Variants in ARSF observed in about 807,000 individuals in gnomAD.
ARSF encodes the protein arylsulfatase F.
ARSF carries 33 observed loss-of-function variants against 35.4 expected under a neutral mutation model. The observed-to-expected ratio is 0.93, with a 90% confidence interval of 0.71 to 1.25. The LOEUF is 1.25. Among genes scored for constraint, ARSF ranks in the 50% most tolerant of loss-of-function variants. ARSF has a pLI of 0.00. For missense variants in ARSF, 501 were observed against 480.2 expected (o/e 1.04, Z -0.40); for synonymous variants, 222 against 193.1 (o/e 1.15, Z -1.24).
intron 7 of ARSF, among the ~76,000 whole-genome samples, chrX:3,091,193 G>T: frequency 8.9e-6 from 1 of 112,147 alleles, no homozygotes. Flanking sequence ...GGGATGACAG[G>T]CATGAGTCAC....
chrX:3,055,326 G>A (rs1214421202), intron 1 of ARSF, among the ~76,000 whole-genome samples: 2 of 70,419 alleles, frequency 2.8e-5, no homozygotes, highest in African/African-American at 6.2e-5. Context: ...TGGGCAACAA[G>A]AGCAAAACTC....
intron 8 of ARSF, 119 bp from the exon 9 acceptor site, chrX:3,103,643 T>C (rs1284525995): frequency 1.1e-5 from 9 of 846,659 alleles, no homozygotes; most frequent in East Asian, 3.3e-5. Flanking sequence ...GGACTCTACA[T>C]AGAGTAGACA....
chrX:3,046,177 C>T (rs1228210351), intron 1 of ARSF, among the ~76,000 whole-genome samples: 6 of 111,784 alleles, frequency 5.4e-5, no homozygotes, highest in African/African-American at 2.0e-4. Flanking sequence ...TGAGCCACTG[C>T]GCCTGGCCTC....
intron 1 of ARSF, among the ~76,000 whole-genome samples, chrX:3,055,012 G>A (rs960754504): frequency 3.5e-4 from 38 of 107,375 alleles, no homozygotes; most frequent in Non-Finnish European, 5.4e-4. Flanking sequence ...TGGGATTACA[G>A]GCATGAGCCA....
chrX:3,095,971 A>C (rs1026208874), intron 7 of ARSF, among the ~76,000 whole-genome samples: 4 of 108,283 alleles, frequency 3.7e-5, no homozygotes, highest in Non-Finnish European at 7.6e-5. Context: ...AACTTATAAA[A>C]CATTTTTATT....
At chrX:3,072,884 C>T (rs187778207) in intron 3 of ARSF, among the ~76,000 whole-genome samples, 2,202 of 101,839 alleles carry the variant, frequency 0.022, 25 homozygotes, top group Middle Eastern at 0.071. Flanking sequence ...TATGAACATA[C>T]ATTCAATGTA....
chrX:3,092,911 G>A (rs1032763987), intron 7 of ARSF, among the ~76,000 whole-genome samples: 4 of 112,127 alleles, frequency 3.6e-5, no homozygotes, highest in African/African-American at 1.3e-4. Flanking sequence ...GGTGGCTCAC[G>A]CCTGTAATCC....
chrX:3,070,781 G>A (rs1904395740), intron 2 of ARSF, among the ~76,000 whole-genome samples: 1 of 110,946 alleles, frequency 9.0e-6, no homozygotes, highest in African/African-American at 3.3e-5. Context: ...TTATGCCTTT[G>A]CAGCCTCATA....
intron 2 of ARSF, among the ~76,000 whole-genome samples, chrX:3,070,927 T>C (rs1327095240): frequency 5.4e-5 from 5 of 92,880 alleles, no homozygotes; most frequent in African/African-American, 2.0e-4. Context: ...TATGGCTGAG[T>C]AGTATTCCAT....
rs762493386 is a variant in ARSF at position 3,051,994 on chromosome X, AAAC to A, written c.-29+10346_-29+10348del. ...GGCAACCAAGCGAGATGCTGTCTCA[AAAC>A]AACAACAACAACAAAAAGAACAACA... is the stretch of plus-strand genomic sequence containing the variant. On this transcript the variant is annotated intron_variant, in intron 1 of 10. Coordinates refer to ENST00000381127, the MANE Select transcript of ARSF (RefSeq NM_001201539.2). Among the ~76,000 whole-genome samples, 4 of 111,001 alleles carry A rather than the reference AAAC, an allele frequency of 3.6e-5. No homozygotes were observed. The South Asian group carries it at 1.2e-3, about 32-fold the overall frequency.
Position 3,084,675 on chromosome X carries a change from A to G in ARSF, c.830+9A>G, listed in dbSNP as rs751303092. The G allele has an allele frequency of 8.7e-7, 1 of 1,145,834 alleles. No individual in the cohort carries two copies. The allele number at this position is 1,145,834 out of a possible 1,213,427, so 94.4% of individuals were successfully genotyped here. A position where few individuals can be genotyped will look rare whatever the true frequency, so the allele number is the denominator to read the frequency against. ...ATTTCCTTTTTAGAAAGGTAAGCGG[A>G]ATAATTACAAATTCATGTAATAATG... is the stretch of plus-strand genomic sequence containing the variant. On this transcript the variant is annotated intron_variant, in intron 6 of 10. Transcript: ENST00000381127.
rs2090173056 is a variant in ARSF, at chrX:3,078,782, G to T, written c.284-2109G>T. Among the ~76,000 whole-genome samples, 4 of 111,588 alleles carry T rather than the reference G, an allele frequency of 3.6e-5. No individual in the cohort carries two copies. In the South Asian group the frequency reaches 1.5e-3, roughly 42 times the overall value. On this transcript the variant is annotated intron_variant, in intron 4 of 10. Transcript: ENST00000381127. ...CCCAAAGTGCTGGGATTTTAGGCAT[G>T]AGCCACCGTGCCTGGCCAAAAGTAG...
chrX:3,101,924 A>G (rs1017264520), intron 8 of ARSF, among the ~76,000 whole-genome samples: 4 of 112,081 alleles, frequency 3.6e-5, no homozygotes. Flanking sequence ...AGTATTTTCT[A>G]GAGGAAAATA....
Position 3,110,231 on chromosome X carries a change from C to A in ARSF, c.1369C>A (p.Arg457=), listed in dbSNP as rs753503000. The A allele has an allele frequency of 8.4e-7, 1 of 1,185,505 alleles. No individual in the cohort carries two copies. Among genetic ancestry groups the A allele is most frequent in the Admixed American group, 2.3e-5 (1 of 43,617 alleles). ...CTGTGGCTCCTACCTGCACGCCGTG[C>A]GGTGGATCCCCAAGGACGACAGTGA... ...HYCGSYLHAV[R]WIPKDDSGSV... The change falls in exon 10 of 11, where the codon CGG becomes AGG. Residue 457 remains arginine, a synonymous_variant. Coordinates refer to ENST00000381127, the MANE Select transcript of ARSF (RefSeq NM_001201539.2).
At chrX:3,087,273 C>G (rs1182793433) in intron 6 of ARSF, among the ~76,000 whole-genome samples, 1 of 112,095 alleles carries the variant, frequency 8.9e-6, no homozygotes, top group Non-Finnish European at 1.9e-5. Context: ...ATTTTGGCAG[C>G]TTAGTTTGGG....
chrX:3,082,281 C>T (rs1439582851), intron 5 of ARSF, among the ~76,000 whole-genome samples: 9 of 111,539 alleles, frequency 8.1e-5, no homozygotes, highest in Non-Finnish European at 1.9e-5. Context: ...TCCATCCATG[C>T]TGGTCCATCC....
chrX:3,073,654 ATAAATATATAAT>A lies in ARSF; in HGVS notation c.161+1495_161+1506del, dbSNP rs1236345232. Among the ~76,000 whole-genome samples, 51 of 98,295 alleles carry A rather than the reference ATAAATATATAAT, an allele frequency of 5.2e-4. 1 individual carries two copies. In the South Asian group the frequency reaches 0.019, roughly 36 times the overall value. The allele number at this position is 98,295 out of a possible 115,157, so 85.4% of individuals were successfully genotyped here. A position where few individuals can be genotyped will look rare whatever the true frequency, so the allele number is the denominator to read the frequency against. Reference sequence around the variant, plus strand: ...TTTATAAATAAAATTATATATAATTATAAATATATAATTAAATATATAATTAATAAATATATA... The same window carrying A: ...TTTATAAATAAAATTATATATAATTATAAATATATAATTAATAAATATATA... On this transcript the variant is annotated intron_variant, in intron 3 of 10. Coordinates refer to ENST00000381127, the MANE Select transcript of ARSF (RefSeq NM_001201539.2).
chrX:3,047,255 C>T (rs1198090201), intron 1 of ARSF, among the ~76,000 whole-genome samples: 2 of 109,775 alleles, frequency 1.8e-5, no homozygotes, highest in South Asian at 4.0e-4. Flanking sequence ...CTCAGCTCAT[C>T]GCAACCTCCA....
intron 5 of ARSF, among the ~76,000 whole-genome samples, chrX:3,081,765 C>A (rs776441933): frequency 1.3e-4 from 15 of 111,736 alleles, no homozygotes; most frequent in Non-Finnish European, 1.5e-4. Context: ...CTCTTTATTT[C>A]ACTAAAAATG....
Sources: allele counts gnomAD v4.1 joint callset (sites outside exome capture counted in the v4.1 genomes callset), GRCh38; gene constraint gnomAD v4.1.1; transcripts MANE v1.5; gene names NCBI Gene and HGNC (gene_info 2026-07-23, HGNC 2026-07-21).